CTNNA3: variants seen among roughly 807,000 people sequenced by gnomAD.
CTNNA3 encodes the protein catenin alpha-3.
Under a neutral mutation model 95.7 loss-of-function variants are expected in CTNNA3, and 76 were observed. The ratio of observed to expected loss-of-function variants is 0.79; its 90% confidence interval spans 0.66 to 0.96. The LOEUF is 0.96. Among genes scored for constraint, CTNNA3 ranks in the 40% least tolerant of loss-of-function variants. The pLI, the probability that CTNNA3 is intolerant of heterozygous loss-of-function variation, is 0.00. For missense variants in CTNNA3, 1,191 were observed against 1,089.8 expected, an observed-to-expected ratio of 1.09 and a Z score of -1.31; for synonymous variants, 431 against 374.4, an observed-to-expected ratio of 1.15 and a Z score of -1.74.
Position 67,452,061 on chromosome 10 carries a change from T to TGGAAGGAAGGAAGGAA in CTNNA3, c.579+69765_579+69780dup, listed in dbSNP as rs59544939. Reference sequence around the variant, plus strand: ...ATGGAGGGAGGGAGGGAGGGAGGAATGGAAGGAAGGAAGGAAGGAAGGAAG... The same window carrying TGGAAGGAAGGAAGGAA: ...ATGGAGGGAGGGAGGGAGGGAGGAATGGAAGGAAGGAAGGAAGGAAGGAAGGAAGGAAGGAAGGAAG... On this transcript the variant is annotated intron_variant, in intron 5 of 17. Transcript: ENST00000433211. 4.8e-3 allele frequency among the ~76,000 whole-genome samples: 576 copies of TGGAAGGAAGGAAGGAA among 121,078 alleles called. 4 individuals are homozygous for TGGAAGGAAGGAAGGAA. The highest frequency in any genetic ancestry group is 0.016 in the African/African-American group (512 of 32,192). 79.4% of individuals were successfully genotyped at this position (121,078 alleles called of 152,430 possible). A position where few individuals can be genotyped will look rare whatever the true frequency, so the allele number is the denominator to read the frequency against.
intron 13 of CTNNA3, among the ~76,000 whole-genome samples, chr10:66,271,724 C>A (rs1224364699): frequency 6.6e-6 from 1 of 152,056 alleles, no homozygotes; most frequent in South Asian, 2.1e-4. Flanking sequence ...TCTCTGAGTG[C>A]AGGACTAGAC....
chr10:66,228,838 A>G (rs1054872944), intron 13 of CTNNA3, among the ~76,000 whole-genome samples: 5 of 152,142 alleles, frequency 3.3e-5, no homozygotes, highest in Admixed American at 3.3e-4. Context: ...TTGGGTGCAT[A>G]TATACTTATA....
At chr10:66,620,716 C>T (rs531953880) in intron 10 of CTNNA3, among the ~76,000 whole-genome samples, 1 of 152,280 alleles carries the variant, frequency 6.6e-6, no homozygotes, top group South Asian at 2.1e-4. Flanking sequence ...ACTTTTCCAG[C>T]TTGTTCTTAC....
intron 10 of CTNNA3, among the ~76,000 whole-genome samples, chr10:66,571,628 G>A (rs1842870240): frequency 6.6e-6 from 1 of 152,118 alleles, no homozygotes; most frequent in Non-Finnish European, 1.5e-5. Flanking sequence ...ACATATGGCA[G>A]ACTAATGAAC....
intron 13 of CTNNA3, among the ~76,000 whole-genome samples, chr10:66,116,876 G>A (rs991323230): frequency 1.3e-5 from 2 of 152,088 alleles, no homozygotes; most frequent in Admixed American, 1.3e-4. Context: ...CAGATCTGGT[G>A]AGAACTCATT....
chr10:67,475,724 A>G (rs1446722340), intron 5 of CTNNA3, among the ~76,000 whole-genome samples: 5 of 152,230 alleles, frequency 3.3e-5, no homozygotes, highest in African/African-American at 4.8e-5. Flanking sequence ...ATTCATTATC[A>G]TGACTTTATA....
At chr10:67,018,400 G>T (rs146816851) in intron 7 of CTNNA3, among the ~76,000 whole-genome samples, 254 of 152,202 alleles carry the variant, frequency 1.7e-3, no homozygotes, top group African/African-American at 5.9e-3. Flanking sequence ...TATTCAAATT[G>T]GTTATAAATG....
At position 66,731,609 on chromosome 10, in the gene CTNNA3, G is replaced by A. The variant is rs547532546; in HGVS notation, c.1281+34655C>T. ...AACTCTTCAAATTTATATGAATATTGAGAAAACATTTTGATGAGAAATTTT... is the reference window on the plus strand; with the variant it reads ...AACTCTTCAAATTTATATGAATATTAAGAAAACATTTTGATGAGAAATTTT... On this transcript the variant is annotated intron_variant, in intron 9 of 17. Coordinates refer to ENST00000433211, the MANE Select transcript of CTNNA3 (RefSeq NM_013266.4). 5.9e-5 allele frequency among the ~76,000 whole-genome samples: 9 copies of A among 152,252 alleles called. No homozygotes were observed. The South Asian group carries it at 1.7e-3, about 28-fold the overall frequency.
At chr10:66,673,086 C>T (rs990481379) in intron 9 of CTNNA3, among the ~76,000 whole-genome samples, 2 of 152,028 alleles carry the variant, frequency 1.3e-5, no homozygotes, top group African/African-American at 2.4e-5. Flanking sequence ...ATATAATGGG[C>T]ATTTACTACT....
At position 67,742,813 on chromosome 10, in the gene CTNNA3, AG is replaced by A. The variant is rs1464920777; in HGVS notation, c.-2+20620del. ...AAATAGACGCAATAAAAAATGATAAAGGGGATATCACCACCGATCCCACAGA... is the reference window on the plus strand; with the variant it reads ...AAATAGACGCAATAAAAAATGATAAAGGGATATCACCACCGATCCCACAGA... On this transcript the variant is annotated intron_variant, in intron 1 of 17. Coordinates refer to the CTNNA3 transcript ENST00000684154. 1.3e-5 allele frequency among the ~76,000 whole-genome samples: 2 copies of A among 151,224 alleles called. 1 individual carries two copies. Among genetic ancestry groups the A allele is most frequent in the Non-Finnish European group, 3.0e-5 (2 of 67,718 alleles).
At chr10:67,623,734 T>C (rs1843928776) in intron 2 of CTNNA3, among the ~76,000 whole-genome samples, 1 of 152,126 alleles carries the variant, frequency 6.6e-6, no homozygotes, top group Non-Finnish European at 1.5e-5. Flanking sequence ...TGTAGGAGCC[T>C]AGCGCCATTC....
At chr10:67,289,967 T>TA (rs1839770306) in intron 5 of CTNNA3, among the ~76,000 whole-genome samples, 1 of 151,262 alleles carries the variant, frequency 6.6e-6, no homozygotes, top group Admixed American at 6.6e-5. Context: ...CCAGGCTAAT[T>TA]TAAAAAAAAA....
intron 5 of CTNNA3, among the ~76,000 whole-genome samples, chr10:67,244,296 A>G (rs761186759): frequency 5.3e-5 from 8 of 152,300 alleles, no homozygotes; most frequent in Non-Finnish European, 1.0e-4. Flanking sequence ...GACTCTCAGG[A>G]TGTTCTAAAA....
In CTNNA3 at chr10:66,958,469, T is replaced by A. The variant is rs201431166; in HGVS notation, c.1048-182945A>T. ...GTAGAAAAATAAAAAGCTTTTTTTT[T>A]TAAAAAAAATAGCATATAGCTCAGA... On this transcript the variant is annotated intron_variant, in intron 7 of 17. Coordinates refer to ENST00000433211, the MANE Select transcript of CTNNA3 (RefSeq NM_013266.4). Among the ~76,000 whole-genome samples, 534 of 123,672 alleles carry A rather than the reference T, an allele frequency of 4.3e-3. 12 individuals carry two copies. The East Asian group carries it at 0.066, about 15-fold the overall frequency. The allele number at this position is 123,672 out of a possible 152,430, so 81.1% of individuals were successfully genotyped here.
rs927476877 is a variant in CTNNA3, at chr10:66,613,867, T to C, written c.1374+7825A>G. 7.3e-4 allele frequency among the ~76,000 whole-genome samples: 111 copies of C among 152,172 alleles called. 1 individual carries two copies. The highest frequency in any genetic ancestry group is 2.3e-3 in the African/African-American group (96 of 41,544). On this transcript the variant is annotated intron_variant, in intron 10 of 17. Transcript: ENST00000433211. ...TTTTACATTGAATATTTGGGTCCTATATTGTTTAGTTGCAAACAAAACATC... is the reference window on the plus strand; with the variant it reads ...TTTTACATTGAATATTTGGGTCCTACATTGTTTAGTTGCAAACAAAACATC...
At chr10:66,859,492 CA>C (rs959150744) in intron 7 of CTNNA3, among the ~76,000 whole-genome samples, 69 of 152,076 alleles carry the variant, frequency 4.5e-4, no homozygotes, top group African/African-American at 1.6e-3. Context: ...GTTAGAATGG[CA>C]ATCATTAAAA....
chr10:67,742,828 C>T (rs1408898431), intron 1 of CTNNA3, among the ~76,000 whole-genome samples: 4 of 150,996 alleles, frequency 2.6e-5, no homozygotes, highest in South Asian at 4.3e-4. Context: ...ATATCACCAC[C>T]GATCCCACAG....
intron 7 of CTNNA3, among the ~76,000 whole-genome samples, chr10:66,977,273 C>T (rs528872187): frequency 3.1e-4 from 47 of 152,086 alleles, no homozygotes; most frequent in Non-Finnish European, 5.7e-4. Flanking sequence ...CCCGTCTCTA[C>T]TAAAAACAAA....
At chr10:67,354,664 G>A (rs1842750277) in intron 5 of CTNNA3, among the ~76,000 whole-genome samples, 1 of 151,926 alleles carries the variant, frequency 6.6e-6, no homozygotes, top group Non-Finnish European at 1.5e-5. Flanking sequence ...TCTAGGGAAT[G>A]CAATTGCATC....
Sources: allele counts gnomAD v4.1 joint callset (sites outside exome capture counted in the v4.1 genomes callset), GRCh38; gene constraint gnomAD v4.1.1; transcripts MANE v1.5; gene names NCBI Gene and HGNC (gene_info 2026-07-23, HGNC 2026-07-21).